Variants in TENM1 observed in about 807,000 individuals in gnomAD.
The protein encoded by TENM1 is teneurin-1.
TENM1 carries 35 observed loss-of-function variants against 174.8 expected under a neutral mutation model. The observed-to-expected ratio is 0.20, with a 90% CI of 0.15 to 0.27. The LOEUF (loss-of-function observed/expected upper bound fraction) is 0.27. Ranked by LOEUF, TENM1 falls within the 10% of genes least tolerant of loss-of-function variation. The pLI, the probability that TENM1 is intolerant of heterozygous loss-of-function variation, is 1.00. For synonymous variants in TENM1, 781 were observed against 798.7 expected (o/e 0.98, Z 0.37); for missense variants, 1,633 against 2,130.1 (o/e 0.77, Z 4.59).
chrX:124,408,131 C>A (rs891090626), intron 25 of TENM1, among the ~76,000 whole-genome samples: 1 of 110,125 alleles, frequency 9.1e-6, no homozygotes, highest in African/African-American at 3.4e-5. Flanking sequence ...TAATATCCAG[C>A]CTTTTTTAAA....
chrX:124,796,650 C>A (rs1179674859), intron 3 of TENM1, among the ~76,000 whole-genome samples: 4 of 111,152 alleles, frequency 3.6e-5, no homozygotes, highest in Non-Finnish European at 7.6e-5. Context: ...CTGGGAAGAG[C>A]TCATTATTAT....
the TENM1 span, among the ~76,000 whole-genome samples, chrX:125,021,702 C>T: frequency 8.9e-6 from 1 of 111,860 alleles, no homozygotes; most frequent in South Asian, 3.7e-4. Flanking sequence ...TGTAAATGAA[C>T]GAATGAATGT....
chrX:125,050,153 T>TTTA, the TENM1 span, among the ~76,000 whole-genome samples: 5,716 of 107,327 alleles, frequency 0.053, 420 homozygotes, highest in African/African-American at 0.18. Context: ...ATAGAATCTT[T>TTTA]TTATTATTAT....
rs1240883166 is a variant in TENM1, at chrX:124,380,483, TTA to T, written c.*51_*52del. On this transcript the variant is annotated 3_prime_UTR_variant, in exon 32 of 32. Coordinates refer to ENST00000422452, the Ensembl canonical transcript of TENM1. The stretch of plus-strand genomic sequence containing the variant: ...TAGAAAACCAATACAATAAACCATT[TTA>T]TGTTTTAAAAACAGGCAGTCTTTGG... The T allele has an allele frequency of 4.5e-6, 5 of 1,116,008 alleles. No individual in the cohort carries two copies. The Admixed American group carries it at 1.4e-4, about 31-fold the overall frequency. The allele number at this position is 1,116,008 out of a possible 1,213,427, so 92.0% of individuals were successfully genotyped here.
At position 124,443,042 on chromosome X, in the gene TENM1, CTATGTGTGTGTGTG is replaced by C. The variant is rs1475972294; in HGVS notation, c.4104+10281_4104+10294del. On this transcript the variant is annotated intron_variant, in intron 23 of 31. Coordinates refer to ENST00000422452, the Ensembl canonical transcript of TENM1. ...GCTGTAACTTTTCATGCCTGGATGA[CTATGTGTGTGTGTG>C]TGTGTGTGTGTGTGTGTGTGTGTGT... Among the ~76,000 whole-genome samples, 334 of 42,161 alleles carry C rather than the reference CTATGTGTGTGTGTG, an allele frequency of 7.9e-3. 1 individual carries two copies. The highest frequency in any genetic ancestry group is 0.013 in the Middle Eastern group (1 of 77). 36.6% of individuals were successfully genotyped at this position (42,161 alleles called of 115,157 possible).
intron 18 of TENM1, among the ~76,000 whole-genome samples, chrX:124,513,838 G>A (rs1322514199): frequency 8.9e-6 from 1 of 111,992 alleles, no homozygotes. Context: ...CATCTTCAGA[G>A]TAGTAGATTC....
At chrX:125,098,390 T>G in the TENM1 span, among the ~76,000 whole-genome samples, 1 of 112,246 alleles carries the variant, frequency 8.9e-6, no homozygotes, top group Non-Finnish European at 1.9e-5. Flanking sequence ...GGAGAATAAA[T>G]TAATGAATGA....
Position 124,492,101 on chromosome X carries a change from T to A in TENM1, c.3696-4872A>T, listed in dbSNP as rs2047080236. 3.6e-5 allele frequency among the ~76,000 whole-genome samples: 4 copies of A among 111,709 alleles called. No individual in the cohort carries two copies. In the South Asian group the frequency reaches 1.5e-3, roughly 42 times the overall value. ...ACATAATGAATAACCTGGCAGAGGA[T>A]CAAAATCTATAAGGCTCTCTATCCC... On this transcript the variant is annotated intron_variant, in intron 20 of 31. Coordinates refer to ENST00000422452, the Ensembl canonical transcript of TENM1.
the TENM1 span, among the ~76,000 whole-genome samples, chrX:125,079,708 T>C: frequency 9.0e-6 from 1 of 111,366 alleles, no homozygotes; most frequent in Admixed American, 9.6e-5. Flanking sequence ...TATGTGATTT[T>C]TCATGGGATT....
At chrX:124,405,222 G>A (rs745904541) in exon 27 of TENM1, 4 of 1,211,357 alleles carry the variant, frequency 3.3e-6, no homozygotes, top group Admixed American at 2.2e-5. Context: ...AAAGTGACAC[G>A]CAGGGAACCA....
At chrX:125,168,342 T>C in the TENM1 span, among the ~76,000 whole-genome samples, 1 of 111,726 alleles carries the variant, frequency 9.0e-6, no homozygotes, top group African/African-American at 3.2e-5. Flanking sequence ...TCAGTCCCTG[T>C]ACATACTTTC....
intron 3 of TENM1, among the ~76,000 whole-genome samples, chrX:124,771,039 C>T (rs931239881): frequency 1.4e-4 from 15 of 110,890 alleles, no homozygotes; most frequent in Non-Finnish European, 2.5e-4. Context: ...AATTCTAGTT[C>T]TATATGTATA....
chrX:124,937,673 T>C (rs1299584271), intron 1 of TENM1, among the ~76,000 whole-genome samples: 3 of 112,146 alleles, frequency 2.7e-5, no homozygotes, highest in Non-Finnish European at 5.6e-5. Flanking sequence ...ACATTTAATT[T>C]GAGGGTGATA....
chrX:124,922,806 C>T (rs1833541576), intron 1 of TENM1, among the ~76,000 whole-genome samples: 1 of 110,860 alleles, frequency 9.0e-6, no homozygotes, highest in African/African-American at 3.3e-5. Flanking sequence ...AAATTACTTA[C>T]ATAAAGTATT....
chrX:124,867,747 C>T (rs1331820508), intron 3 of TENM1, among the ~76,000 whole-genome samples: 1 of 111,966 alleles, frequency 8.9e-6, no homozygotes, highest in Admixed American at 9.4e-5. Context: ...CATAAAGACT[C>T]CACAAGAAAA....
At chrX:124,793,426 C>T (rs2055226341) in intron 3 of TENM1, among the ~76,000 whole-genome samples, 1 of 111,619 alleles carries the variant, frequency 9.0e-6, no homozygotes, top group Admixed American at 9.6e-5. Flanking sequence ...GTAGAACTTA[C>T]AGGACAAAAA....
At chrX:124,641,745 A>C in intron 11 of TENM1, 46 bp downstream of exon 14, 1 of 1,115,466 alleles carries the variant, frequency 9.0e-7, no homozygotes, top group Non-Finnish European at 1.2e-6. Flanking sequence ...AGGAACAGTT[A>C]GAATTTAAGA....
chrX:124,717,634 T>G (rs776585652), intron 4 of TENM1, among the ~76,000 whole-genome samples: 3 of 112,137 alleles, frequency 2.7e-5, no homozygotes, highest in South Asian at 7.5e-4. Context: ...GTACTTACTG[T>G]GCTTTTCTTT....
rs16999408 is a variant in TENM1, at chrX:124,718,114, C to A, written c.777-12863G>T. Among the ~76,000 whole-genome samples the A allele has an allele frequency of 8.1e-3, 904 of 112,130 alleles. 9 individuals are homozygous for A. The highest frequency in any genetic ancestry group is 0.028 in the African/African-American group (869 of 30,935). On this transcript the variant is annotated intron_variant, in intron 4 of 31. Coordinates refer to ENST00000422452, the Ensembl canonical transcript of TENM1. ...CATTTTTCTTTCAGGTTTCTGTGTCCTTGTAAGCTTTTTGCAAAGAACAAT... is the reference window on the plus strand; with the variant it reads ...CATTTTTCTTTCAGGTTTCTGTGTCATTGTAAGCTTTTTGCAAAGAACAAT...
Sources: gnomAD v4.1 joint callset for allele counts (sites outside exome capture counted in the v4.1 genomes callset) on GRCh38, gnomAD v4.1.1 for gene constraint, MANE v1.5 for transcripts, NCBI Gene and HGNC (gene_info 2026-07-23, HGNC 2026-07-21) for gene names.